Variants in ADAM22 observed in about 807,000 individuals in gnomAD.
ADAM22 encodes the protein ADAM metallopeptidase domain 22, also known as disintegrin and metalloproteinase domain-containing protein 22.
ADAM22 carries 65 observed loss-of-function variants against 144.6 expected under a neutral mutation model. That is an observed-to-expected ratio of 0.45 (90% CI 0.37 to 0.55). The LOEUF (loss-of-function observed/expected upper bound fraction) is 0.55, where lower values mean the gene tolerates loss of function less well. ADAM22 is among the 20% of genes least tolerant of loss of function. The pLI is 0.00. For missense variants in ADAM22, 974 were observed against 1,184.9 expected, an observed-to-expected ratio of 0.82 and a Z score of 2.61; for synonymous variants, 391 against 412.6, an observed-to-expected ratio of 0.95 and a Z score of 0.63.
intron 5 of ADAM22, among the ~76,000 whole-genome samples, chr7:88,112,864 C>G (rs1826414871): frequency 6.6e-6 from 1 of 152,148 alleles, no homozygotes; most frequent in Non-Finnish European, 1.5e-5. Flanking sequence ...TGTGCATCAC[C>G]AGGCCCAGCT....
chr7:88,183,853 T>TAC (rs1025937457), intron 29 of ADAM22, among the ~76,000 whole-genome samples: 1 of 145,482 alleles, frequency 6.9e-6, no homozygotes, highest in East Asian at 2.6e-4. Flanking sequence ...TATATATTTA[T>TAC]ACATACACAC....
chr7:88,134,414 C>T lies in ADAM22; in HGVS notation c.1163C>T (p.Ala388Val). Reference sequence around the variant, plus strand: ...ATTATCTCAGACAAAAGAAAGTTAGCAAGTGGTAAGTTTTAGTACATGTGT... The same window carrying T: ...ATTATCTCAGACAAAAGAAAGTTAGTAAGTGGTAAGTTTTAGTACATGTGT... ...IGIISDKRKL[A>V]SGECKCEDTW... Residue 388 changes from alanine (A) to valine (V), a missense_variant, in exon 13 of 32, where the codon GCA (alanine) becomes GTA (valine). Ala to Val is a moderately conservative substitution (Grantham distance 64, BLOSUM62 0). Coordinates refer to ENST00000413139, the MANE Select transcript of ADAM22 (RefSeq NM_001324418.2). The T allele has an allele frequency of 6.2e-7, 1 of 1,606,060 alleles. No homozygotes were observed. Among genetic ancestry groups the T allele is most frequent in the Non-Finnish European group, 8.5e-7 (1 of 1,175,386 alleles).
rs900642237 is a variant in ADAM22, at chr7:88,199,590, A to G, written c.*3099A>G. The G allele has an allele frequency of 6.6e-6, 1 of 152,226 alleles. No homozygotes were observed. The highest frequency in any genetic ancestry group is 1.5e-5 in the Non-Finnish European group (1 of 68,060). 9.4% of individuals were successfully genotyped at this position (152,226 alleles called of 1,614,324 possible). A position where few individuals can be genotyped will look rare whatever the true frequency, so the allele number is the denominator to read the frequency against. On this transcript the variant is annotated 3_prime_UTR_variant, in exon 32 of 32. Transcript: ENST00000413139. ...GGAAATGATCCCCAGGGCACATGCA[A>G]TCTGTGGAAAGGAATACATCGGACA...
At chr7:88,101,330 C>T (rs1400595192) in intron 4 of ADAM22, among the ~76,000 whole-genome samples, 2 of 151,950 alleles carry the variant, frequency 1.3e-5, no homozygotes, top group African/African-American at 4.8e-5. Context: ...AGGACCAGTG[C>T]CCATGGAGGG....
intron 11 of ADAM22, 22 bp downstream of exon 11, chr7:88,131,457 G>T (rs375578199): frequency 6.2e-6 from 10 of 1,608,028 alleles, no homozygotes; most frequent in Non-Finnish European, 7.7e-6. Context: ...CTGTAATGAT[G>T]TATTACTTTT....
chr7:87,937,345 G>C (rs576982916), intron 2 of ADAM22, among the ~76,000 whole-genome samples: 2 of 152,194 alleles, frequency 1.3e-5, no homozygotes, highest in Admixed American at 1.3e-4. Flanking sequence ...TTTCAGTGAA[G>C]ACATGGAGTC....
At chr7:88,113,896 G>A (rs1826995704) in intron 5 of ADAM22, among the ~76,000 whole-genome samples, 1 of 150,862 alleles carries the variant, frequency 6.6e-6, no homozygotes, top group South Asian at 2.1e-4. Context: ...GTAGCAGGTT[G>A]CAAATGGGCA....
At position 88,128,657 on chromosome 7, in the gene ADAM22, T is replaced by C. The variant is rs1430898121; in HGVS notation, c.734T>C (p.Ile245Thr). ...GAAACCAAATACATTGAACTGATGA[T>C]TGTGAATGATCACCTTATGGTAGGA... ...EEETKYIELMIVNDHLMFKKH... is the reference protein window; with the variant it reads ...EEETKYIELMTVNDHLMFKKH... Residue 245 changes from isoleucine (I) to threonine (T), a missense_variant, in exon 9 of 32, where the codon ATT becomes ACT. Physicochemically the swap from Ile to Thr is moderately conservative, Grantham distance 89. This residue lies in a region of ADAM22 where 734 missense variants were observed against 950.6 expected (regional missense o/e 0.77). Coordinates refer to ENST00000413139, the MANE Select transcript of ADAM22 (RefSeq NM_001324418.2). 1 of 1,611,954 alleles carries C rather than the reference T, an allele frequency of 6.2e-7. No individual in the cohort carries two copies. Among genetic ancestry groups the C allele is most frequent in the Admixed American group, 1.7e-5 (1 of 59,916 alleles).
At chr7:87,953,304 C>G (rs1845737505) in intron 2 of ADAM22, among the ~76,000 whole-genome samples, 2 of 151,952 alleles carry the variant, frequency 1.3e-5, no homozygotes, top group South Asian at 2.1e-4. Context: ...CCTCTACACA[C>G]TGCTTTGAAT....
chr7:88,196,304 G>A (rs1380245374), intron 31 of ADAM22, among the ~76,000 whole-genome samples, 167 bp from the exon 32 acceptor site: 1 of 152,182 alleles, frequency 6.6e-6, no homozygotes, highest in African/African-American at 2.4e-5. Flanking sequence ...GAAACAGAGA[G>A]CTAAAAGTTG....
intron 2 of ADAM22, among the ~76,000 whole-genome samples, chr7:87,964,260 G>A (rs978456626): frequency 3.3e-5 from 5 of 152,174 alleles, no homozygotes; most frequent in East Asian, 1.9e-4. Context: ...ATGTATACAC[G>A]TGCACACACA....
At position 88,042,305 on chromosome 7, in the gene ADAM22, C is replaced by T. The variant is rs532421876; in HGVS notation, c.324-33321C>T. ...AAATTTTCCAAATATGGTGTGTTAG[C>T]TAGAGCATCTTGTAGGGAGGAAAAA... On this transcript the variant is annotated intron_variant, in intron 3 of 31. Transcript: ENST00000413139. Among the ~76,000 whole-genome samples the T allele has an allele frequency of 4.6e-5, 7 of 152,028 alleles. No individual in the cohort carries two copies. The East Asian group carries it at 1.4e-3, about 29-fold the overall frequency.
chr7:87,997,445 T>G (rs1377306879), intron 3 of ADAM22, among the ~76,000 whole-genome samples: 1 of 152,270 alleles, frequency 6.6e-6, no homozygotes, highest in East Asian at 1.9e-4. Context: ...GAAGCTCAGG[T>G]GGATTCTCTG....
intron 2 of ADAM22, among the ~76,000 whole-genome samples, chr7:87,972,495 A>G (rs1850704380): frequency 6.6e-6 from 1 of 152,144 alleles, no homozygotes; most frequent in South Asian, 2.1e-4. Context: ...TATCGTGAAA[A>G]TGGCCATACT....
At chr7:87,993,056 A>G (rs763150020) in intron 3 of ADAM22, among the ~76,000 whole-genome samples, 5 of 152,204 alleles carry the variant, frequency 3.3e-5, no homozygotes, top group Admixed American at 6.5e-5. Flanking sequence ...CACTGACCAA[A>G]CAAGGAATCT....
At chr7:88,040,516 C>T (rs1802867110) in intron 3 of ADAM22, among the ~76,000 whole-genome samples, 1 of 152,046 alleles carries the variant, frequency 6.6e-6, no homozygotes, top group Non-Finnish European at 1.5e-5. Context: ...GTGGTTCTGT[C>T]TATACTTCCC....
intron 3 of ADAM22, among the ~76,000 whole-genome samples, chr7:88,006,704 C>T (rs1166430562): frequency 2.0e-5 from 3 of 149,562 alleles, no homozygotes; most frequent in African/African-American, 7.3e-5. Flanking sequence ...TTCAACAGCC[C>T]TTCATGCTAA....
intron 21 of ADAM22, among the ~76,000 whole-genome samples, chr7:88,155,010 A>G (rs1048730150): frequency 7.2e-5 from 11 of 152,198 alleles, no homozygotes; most frequent in Admixed American, 3.9e-4. Context: ...GTAAGATAGT[A>G]TTAACAACAG....
intron 26 of ADAM22, among the ~76,000 whole-genome samples, chr7:88,175,371 G>GT (rs1563394988): frequency 6.6e-6 from 1 of 152,154 alleles, no homozygotes; most frequent in South Asian, 2.1e-4. Flanking sequence ...GAGTCATTAA[G>GT]TTACAGGGGT....
Sources: gnomAD v4.1 joint callset for allele counts (sites outside exome capture counted in the v4.1 genomes callset) on GRCh38, gnomAD v4.1.1 for gene constraint, gnomAD v4.1.1 regional missense constraint, MANE v1.5 for transcripts, NCBI Gene and HGNC (gene_info 2026-07-23, HGNC 2026-07-21) for gene names.